Variants in MYPN observed in about 807,000 individuals in gnomAD.
The protein encoded by MYPN is sarcomeric protein myopalladin, 145 kDa (MYOP).
Under a neutral mutation model 129.4 loss-of-function variants are expected in MYPN, and 63 were observed. The ratio of observed to expected loss-of-function variants is 0.49; its 90% confidence interval spans 0.40 to 0.60. The LOEUF is 0.60. Among genes scored for constraint, MYPN ranks in the 20% least tolerant of loss-of-function variants. The pLI, the probability that MYPN is intolerant of heterozygous loss-of-function variation, is 0.00. For synonymous variants in MYPN, 629 were observed against 600.9 expected (o/e 1.05, Z -0.68); for missense variants, 1,596 against 1,635.4 (o/e 0.98, Z 0.42).
rs141638905 is a variant in MYPN at position 68,119,385 on chromosome 10, TTTTATTTATTTA to T, written c.-1-2022_-1-2011del. The stretch of plus-strand genomic sequence containing the variant: ...TGCCCTCCAACACCTTTGCATTTTA[TTTTATTTATTTA>T]TTTATTTATTTATTTATTTATTTAT... On this transcript the variant is annotated intron_variant, in intron 1 of 19. Coordinates refer to ENST00000358913, the MANE Select transcript of MYPN (RefSeq NM_032578.4). Among the ~76,000 whole-genome samples, 685 of 144,766 alleles carry T rather than the reference TTTTATTTATTTA, an allele frequency of 4.7e-3. 3 individuals are homozygous for T. The highest frequency in any genetic ancestry group is 0.014 in the African/African-American group (564 of 39,298). 95.0% of individuals were successfully genotyped at this position (144,766 alleles called of 152,430 possible). A position where few individuals can be genotyped will look rare whatever the true frequency, so the allele number is the denominator to read the frequency against.
intron 2 of MYPN, among the ~76,000 whole-genome samples, chr10:68,132,536 G>A (rs773581899): frequency 6.6e-6 from 1 of 152,098 alleles, no homozygotes; most frequent in Non-Finnish European, 1.5e-5. Flanking sequence ...GGCTGGTTAT[G>A]GTTTACATCT....
At chr10:68,109,887 C>A (rs2042058268) in intron 1 of MYPN, among the ~76,000 whole-genome samples, 164 bp downstream of exon 1, 1 of 152,044 alleles carries the variant, frequency 6.6e-6, no homozygotes, top group Admixed American at 6.6e-5. Flanking sequence ...ATAAAGCTTT[C>A]CACATGTAAA....
At chr10:68,182,386 T>C (rs1051139938) in intron 12 of MYPN, among the ~76,000 whole-genome samples, 2 of 104,574 alleles carry the variant, frequency 1.9e-5, no homozygotes, top group Non-Finnish European at 4.0e-5. Context: ...ATATAACACA[T>C]ATATAACATA....
intron 12 of MYPN, among the ~76,000 whole-genome samples, chr10:68,178,533 T>C (rs1289903247): frequency 2.0e-5 from 3 of 151,898 alleles, no homozygotes; most frequent in East Asian, 3.9e-4. Context: ...TGGCCAACAG[T>C]GAAACCCCGT....
At chr10:68,113,874 T>A (rs557690669) in intron 1 of MYPN, among the ~76,000 whole-genome samples, 1 of 152,346 alleles carries the variant, frequency 6.6e-6, no homozygotes, top group African/African-American at 2.4e-5. Flanking sequence ...TAGCCTCACA[T>A]ACTTACCACT....
chr10:68,136,431 T>A (rs1376877099), intron 2 of MYPN, among the ~76,000 whole-genome samples: 1 of 152,212 alleles, frequency 6.6e-6, no homozygotes, highest in African/African-American at 2.4e-5. Context: ...ATGAAAGCAT[T>A]CCCTAACATG....
chr10:68,129,299 A>T, intron 2 of MYPN, among the ~76,000 whole-genome samples: 1 of 152,332 alleles, frequency 6.6e-6, no homozygotes, highest in Non-Finnish European at 1.5e-5. Context: ...CATAATGAAA[A>T]TATTTTTAAA....
chr10:68,121,421 T>C lies in MYPN; in HGVS notation c.-1-17T>C. On this transcript the variant is annotated splice_polypyrimidine_tract_variant and intron_variant, in intron 1 of 19. Transcript: ENST00000358913. ...TAGAAATGATCCAAACTTTTTGTTA[T>C]TATTATTTTGTGACAGCATGCAAGA... is the stretch of plus-strand genomic sequence containing the variant. The C allele has an allele frequency of 6.2e-7, 1 of 1,604,604 alleles. No homozygotes were observed. The highest frequency in any genetic ancestry group is 8.5e-7 in the Non-Finnish European group (1 of 1,175,954).
At chr10:68,100,620 C>T (rs1242347242) in intron 1 of MYPN, among the ~76,000 whole-genome samples, 1 of 151,950 alleles carries the variant, frequency 6.6e-6, no homozygotes, top group African/African-American at 2.4e-5. Flanking sequence ...CAAAGGTAGT[C>T]AGAAAAAAAT....
At chr10:68,168,991 TAAA>T (rs71009012) in intron 10 of MYPN, among the ~76,000 whole-genome samples, 2,919 of 79,940 alleles carry the variant, frequency 0.037, 95 homozygotes, top group Non-Finnish European at 0.049. Context: ...GATTATTTCT[TAAA>T]AAAAAAAAAA....
chr10:68,182,375 T>C (rs558488549), intron 12 of MYPN, among the ~76,000 whole-genome samples: 4 of 108,334 alleles, frequency 3.7e-5, no homozygotes, highest in South Asian at 2.9e-4. Context: ...ATATATAACA[T>C]ATATAACACA....
chr10:68,125,155 A>G lies in MYPN; in HGVS notation c.902+2815A>G, dbSNP rs56662166. On this transcript the variant is annotated intron_variant, in intron 2 of 19. Transcript: ENST00000358913. ...CCACTAAGAAATGTCAATTAGGAAGACATTCCCCACAAAGCAAAGTAATCT... is the reference window on the plus strand; with the variant it reads ...CCACTAAGAAATGTCAATTAGGAAGGCATTCCCCACAAAGCAAAGTAATCT... Among the ~76,000 whole-genome samples the G allele has an allele frequency of 4.7e-3, 715 of 152,354 alleles. 4 individuals are homozygous for G. Among genetic ancestry groups the G allele is most frequent in the African/African-American group, 0.016 (686 of 41,578 alleles).
At chr10:68,130,352 C>T (rs2042390983) in intron 2 of MYPN, among the ~76,000 whole-genome samples, 1 of 151,414 alleles carries the variant, frequency 6.6e-6, no homozygotes, top group Non-Finnish European at 1.5e-5. Flanking sequence ...CCCAGCTACT[C>T]GGGAGGCTGA....
chr10:68,093,410 T>C (rs529454412), intron 1 of MYPN, among the ~76,000 whole-genome samples: 50 of 151,726 alleles, frequency 3.3e-4, no homozygotes, highest in African/African-American at 1.1e-3. Flanking sequence ...TCAGGGCAAG[T>C]CCATAGAGTA....
intron 2 of MYPN, among the ~76,000 whole-genome samples, chr10:68,128,182 A>T (rs2042355113): frequency 6.6e-6 from 1 of 152,134 alleles, no homozygotes. Flanking sequence ...TTACCCAGAG[A>T]TGAAAGAGTC....
chr10:68,203,726 G>C (rs1290802257), intron 18 of MYPN, among the ~76,000 whole-genome samples: 15 of 116,864 alleles, frequency 1.3e-4, no homozygotes, highest in South Asian at 2.8e-4. Flanking sequence ...CACACAGAGA[G>C]AGAGAGAGAG....
In MYPN at chr10:68,136,770, C is replaced by T; in HGVS notation, c.903-6170C>T. The T allele has an allele frequency of 2.0e-6, 3 of 1,512,582 alleles. No homozygotes were observed. The East Asian group carries it at 7.4e-5, about 37-fold the overall frequency. The allele number at this position is 1,512,582 out of a possible 1,614,324, so 93.7% of individuals were successfully genotyped here. A position where few individuals can be genotyped will look rare whatever the true frequency, so the allele number is the denominator to read the frequency against. On this transcript the variant is annotated intron_variant, in intron 2 of 19. Coordinates refer to ENST00000358913, the MANE Select transcript of MYPN (RefSeq NM_032578.4). Reference sequence around the variant, plus strand: ...ATGTTCTCTAAATAATTTAGATAATCCTATAATGTTTGTATAATGGAAAGT... The same window carrying T: ...ATGTTCTCTAAATAATTTAGATAATTCTATAATGTTTGTATAATGGAAAGT...
At chr10:68,210,187 G>T in intron 19 of MYPN, 99 bp from the exon 20 acceptor site, 1 of 1,363,394 alleles carries the variant, frequency 7.3e-7, no homozygotes. Flanking sequence ...TACCAAGAAT[G>T]CTCAGGGAGA....
In MYPN at chr10:68,174,266, A is replaced by G; in HGVS notation, c.2174A>G (p.Tyr725Cys). Reference protein sequence around the residue: ...SQTFSLARPKYFFPSTNTTAA... With the variant: ...SQTFSLARPKCFFPSTNTTAA... ...ACGTTCAGCTTGGCCCGGCCGAAGT[A>G]TTTCTTCCCCTCCACGAACACCACC... Residue 725 changes from tyrosine (Y) to cysteine (C), a missense_variant, in exon 11 of 20, where the codon TAT becomes TGT. Tyr to Cys is a radical substitution (Grantham distance 194). Transcript: ENST00000358913. The G allele has an allele frequency of 6.2e-7, 1 of 1,613,980 alleles. No homozygotes were observed. Among genetic ancestry groups the G allele is most frequent in the Non-Finnish European group, 8.5e-7 (1 of 1,179,992 alleles).
Sources: allele counts gnomAD v4.1 joint callset (sites outside exome capture counted in the v4.1 genomes callset), GRCh38; gene constraint gnomAD v4.1.1; transcripts MANE v1.5; gene names NCBI Gene and HGNC (gene_info 2026-07-23, HGNC 2026-07-21).